CDH20: variants seen among roughly 807,000 people sequenced by gnomAD.
CDH20 encodes the protein cadherin 20.
In CDH20, 29 loss-of-function variants were observed where a neutral mutation model predicts 74.2. The observed-to-expected ratio is 0.39, with a 90% CI of 0.29 to 0.53. The LOEUF (loss-of-function observed/expected upper bound fraction) is 0.53. CDH20 is among the 20% of genes least tolerant of loss of function. CDH20 has a pLI of 0.69. For missense variants in CDH20, 988 were observed against 1,048.3 expected (o/e 0.94, Z 0.79); for synonymous variants, 469 against 405.4 (o/e 1.16, Z -1.88).
chr18:61,542,314 G>C (rs1478083979), intron 9 of CDH20, among the ~76,000 whole-genome samples: 1 of 152,142 alleles, frequency 6.6e-6, no homozygotes, highest in Non-Finnish European at 1.5e-5. Context: ...ACCTTCCTGG[G>C]AACTCCATTC....
intron 1 of CDH20, among the ~76,000 whole-genome samples, chr18:61,477,739 A>C (rs1910443170): frequency 6.6e-6 from 1 of 152,194 alleles, no homozygotes; most frequent in Non-Finnish European, 1.5e-5. Flanking sequence ...ACATCATGCA[A>C]AATTGTCTTC....
intron 1 of CDH20, among the ~76,000 whole-genome samples, chr18:61,426,851 G>C (rs2144286336): frequency 6.6e-6 from 1 of 152,310 alleles, no homozygotes; most frequent in Non-Finnish European, 1.5e-5. Flanking sequence ...AGGACATCAA[G>C]TATCCCTGGT....
intron 7 of CDH20, among the ~76,000 whole-genome samples, chr18:61,530,301 G>T (rs1002026759): frequency 2.0e-5 from 3 of 152,060 alleles, no homozygotes; most frequent in Non-Finnish European, 4.4e-5. Context: ...GAACTCCCTG[G>T]CTCTCATTTC....
At chr18:61,379,121 G>A (rs1911348517) in intron 1 of CDH20, among the ~76,000 whole-genome samples, 1 of 152,058 alleles carries the variant, frequency 6.6e-6, no homozygotes, top group African/African-American at 2.4e-5. Flanking sequence ...CTCTTGAAAT[G>A]ATATATAAAA....
rs747759886 is a variant in CDH20, at chr18:61,503,115, C to T, written c.824C>T (p.Pro275Leu). 1.2e-6 allele frequency: 2 copies of T among 1,605,886 alleles called. No individual in the cohort carries two copies. The highest frequency in any genetic ancestry group is 1.7e-6 in the Non-Finnish European group (2 of 1,176,060). ...GTCAATGATAACCCACCCCGCTTTC[C>T]CCAGAGTGAGTACCTAACCCAAGAG... Reference protein sequence around the residue: ...SDVNDNPPRFPQKHYQMSVLE... With the variant: ...SDVNDNPPRFLQKHYQMSVLE... The change falls in exon 5 of 12, where the codon CCC becomes CTC. Residue 275 changes from proline (P) to leucine (L), a missense_variant. This residue lies in a region of CDH20 where 613 missense variants were observed against 755.2 expected (regional missense o/e 0.81). Coordinates refer to ENST00000262717, the MANE Select transcript of CDH20 (RefSeq NM_031891.4).
intron 6 of CDH20, among the ~76,000 whole-genome samples, chr18:61,509,475 T>C (rs1436284105): frequency 6.6e-6 from 1 of 152,184 alleles, no homozygotes; most frequent in Non-Finnish European, 1.5e-5. Context: ...GGTGGGACCA[T>C]GCCTGTTGTA....
rs1258957314 is a variant in CDH20, at chr18:61,448,737, G to A, written c.-152-41665G>A. 2.6e-5 allele frequency among the ~76,000 whole-genome samples: 4 copies of A among 152,088 alleles called. No individual in the cohort carries two copies. In the East Asian group the frequency reaches 7.7e-4, roughly 29 times the overall value. ...ATCACCTCCCTATCCTGCCAATTTG[G>A]TGACATTTCCATATTAAGACAAGTG... On this transcript the variant is annotated intron_variant, in intron 1 of 11. Coordinates refer to ENST00000262717, the MANE Select transcript of CDH20 (RefSeq NM_031891.4).
intron 1 of CDH20, among the ~76,000 whole-genome samples, chr18:61,370,048 T>G (rs2144153559): frequency 6.6e-6 from 1 of 152,274 alleles, no homozygotes; most frequent in East Asian, 1.9e-4. Context: ...CCTGCACATG[T>G]GCCTCTCAAC....
chr18:61,420,871 T>G (rs2144272483), intron 1 of CDH20, among the ~76,000 whole-genome samples: 1 of 152,188 alleles, frequency 6.6e-6, no homozygotes, highest in South Asian at 2.1e-4. Context: ...CTGGCCAACA[T>G]GGCAAAACCC....
intron 1 of CDH20, among the ~76,000 whole-genome samples, chr18:61,371,753 A>T (rs1306538147): frequency 2.6e-5 from 4 of 152,052 alleles, no homozygotes; most frequent in Admixed American, 1.3e-4. Flanking sequence ...TGTGACAAAT[A>T]TGATTATTGG....
At chr18:61,398,233 C>T (rs1010243865) in intron 1 of CDH20, among the ~76,000 whole-genome samples, 5 of 152,174 alleles carry the variant, frequency 3.3e-5, no homozygotes, top group Admixed American at 1.3e-4. Flanking sequence ...ATACATAGTA[C>T]ATGTCTTATT....
chr18:61,538,679 T>C (rs1240292955), intron 8 of CDH20, among the ~76,000 whole-genome samples: 3 of 138,892 alleles, frequency 2.2e-5, no homozygotes, highest in Non-Finnish European at 4.6e-5. Flanking sequence ...ACTGCAGTGG[T>C]GCTATCTCTG....
At chr18:61,389,807 A>G (rs929869643) in intron 1 of CDH20, among the ~76,000 whole-genome samples, 5 of 152,100 alleles carry the variant, frequency 3.3e-5, no homozygotes, top group African/African-American at 1.2e-4. Flanking sequence ...TGCTCCTTCT[A>G]TCAAAAGCTA....
chr18:61,495,229 T>C (rs1442383106), intron 2 of CDH20, among the ~76,000 whole-genome samples: 1 of 152,220 alleles, frequency 6.6e-6, no homozygotes, highest in East Asian at 1.9e-4. Flanking sequence ...AAAACACATT[T>C]TTATTACACC....
At chr18:61,544,230 G>A (rs1191337127) in intron 9 of CDH20, among the ~76,000 whole-genome samples, 2 of 152,224 alleles carry the variant, frequency 1.3e-5, no homozygotes, top group Non-Finnish European at 2.9e-5. Flanking sequence ...AGACGGGCAG[G>A]TGCAGAAGCC....
chr18:61,364,016 G>A (rs1403177478), intron 1 of CDH20, among the ~76,000 whole-genome samples: 1 of 152,236 alleles, frequency 6.6e-6, no homozygotes, highest in Non-Finnish European at 1.5e-5. Context: ...GGTGGTACCA[G>A]ATACACTTGG....
chr18:61,419,227 G>A (rs368730925), intron 1 of CDH20, among the ~76,000 whole-genome samples: 4 of 151,942 alleles, frequency 2.6e-5, no homozygotes, highest in South Asian at 4.2e-4. Flanking sequence ...CCCATGGCCT[G>A]GCTAATTATT....
chr18:61,431,015 T>C (rs970185369), intron 1 of CDH20, among the ~76,000 whole-genome samples: 1 of 152,176 alleles, frequency 6.6e-6, no homozygotes. Context: ...GAAATATATG[T>C]ATATATGTGA....
chr18:61,361,230 G>T (rs928794532), intron 1 of CDH20, among the ~76,000 whole-genome samples: 1 of 152,134 alleles, frequency 6.6e-6, no homozygotes, highest in Non-Finnish European at 1.5e-5. Context: ...GGGGGAAGGA[G>T]GTAAACAGAT....
Sources: allele counts gnomAD v4.1 joint callset (sites outside exome capture counted in the v4.1 genomes callset), GRCh38; gene constraint gnomAD v4.1.1; regional missense constraint gnomAD v4.1.1; transcripts MANE v1.5; gene names NCBI Gene and HGNC (gene_info 2026-07-23, HGNC 2026-07-21).